C1orf167: variants seen among roughly 807,000 people sequenced by gnomAD.
The protein encoded by C1orf167 is uncharacterized protein C1orf167.
A neutral mutation model predicts 176.5 loss-of-function variants in C1orf167; 153 were observed. The observed-to-expected ratio is 0.87, with a 90% confidence interval of 0.76 to 0.99. The LOEUF is 0.99. Ranked by LOEUF, C1orf167 falls within the 50% of genes least tolerant of loss-of-function variation. The pLI is 0.00. For missense variants in C1orf167, 1,490 were observed against 1,817.7 expected, an observed-to-expected ratio of 0.82 and a Z score of 3.28; for synonymous variants, 594 against 752.7, an observed-to-expected ratio of 0.79 and a Z score of 3.45.
intron 14 of C1orf167, 87 bp downstream of exon 14, chr1:11,782,420 G>A (rs895312718): frequency 7.1e-6 from 8 of 1,130,560 alleles, no homozygotes; most frequent in African/African-American, 3.4e-5. Flanking sequence ...AAGCTCAGAC[G>A]GTGGCCCAGA....
chr1:11,778,695 A>G lies in C1orf167; in HGVS notation c.2375A>G (p.Gln792Arg), dbSNP rs1442857472. ...CAGGGCCTGCAGCAGCGGATGCTGC[A>G]GCGCAGCCTGAGATGGTGGCACTTG... Reference protein sequence around the residue: ...FFQGLQQRMLQRSLRWWHLRA... With the variant: ...FFQGLQQRMLRRSLRWWHLRA... The change falls in exon 11 of 21, where the codon CAG becomes CGG. Residue 792 changes from glutamine to arginine, a missense_variant. Transcript: ENST00000688073. The G allele has an allele frequency of 7.7e-7, 1 of 1,303,248 alleles. No individual in the cohort carries two copies. The highest frequency in any genetic ancestry group is 1.2e-5 in the South Asian group (1 of 80,962). The allele number at this position is 1,303,248 out of a possible 1,614,324, so 80.7% of individuals were successfully genotyped here. A position where few individuals can be genotyped will look rare whatever the true frequency, so the allele number is the denominator to read the frequency against.
At chr1:11,781,692 C>T (rs903130812) in intron 13 of C1orf167, among the ~76,000 whole-genome samples, 1 of 152,080 alleles carries the variant, frequency 6.6e-6, no homozygotes, top group Non-Finnish European at 1.5e-5. Context: ...TGGCGGATCA[C>T]GAGGTCAGGA....
Position 11,766,145 on chromosome 1 carries a change from T to A in C1orf167, c.359T>A (p.Ile120Asn). The A allele has an allele frequency of 1.6e-6, 2 of 1,289,758 alleles. No individual in the cohort carries two copies. The highest frequency in any genetic ancestry group is 2.0e-6 in the Non-Finnish European group (2 of 988,836). The allele number at this position is 1,289,758 out of a possible 1,614,324, so 79.9% of individuals were successfully genotyped here. The change falls in exon 3 of 21, where the codon ATC becomes AAC. Residue 120 changes from isoleucine (I) to asparagine (N), a missense_variant. Transcript: ENST00000688073. The surrounding 1 kb of genome is among the most constrained non-coding windows in gnomAD (Gnocchi z 4.5). The stretch of plus-strand genomic sequence containing the variant: ...CAAGGGAAGGCCCGAGAGTTTGCCA[T>A]CCAGCAGAGCAACCTGAGCATCAAC... Reference protein sequence around the residue: ...RRQGKAREFAIQQSNLSINET... With the variant: ...RRQGKAREFANQQSNLSINET...
At position 11,766,249 on chromosome 1, in the gene C1orf167, T is replaced by G. The variant is rs1482356369; in HGVS notation, c.463T>G (p.Ser155Ala). 2 of 1,289,572 alleles carry G rather than the reference T, an allele frequency of 1.6e-6. No homozygotes were observed. Among genetic ancestry groups the G allele is most frequent in the South Asian group, 2.5e-5 (2 of 81,014 alleles). 79.9% of individuals were successfully genotyped at this position (1,289,572 alleles called of 1,614,324 possible). Reference sequence around the variant, plus strand: ...CAAGCTTCCCTGGGGTCCTCTCCTATCCCAAGAGCCACTGGCTCGCCCATC... The same window carrying G: ...CAAGCTTCCCTGGGGTCCTCTCCTAGCCCAAGAGCCACTGGCTCGCCCATC... Reference protein sequence around the residue: ...PHKLPWGPLLSQEPLARPSSC... With the variant: ...PHKLPWGPLLAQEPLARPSSC... Residue 155 changes from serine to alanine, a missense_variant, in exon 3 of 21, where the codon TCC (serine) becomes GCC (alanine). Ser to Ala is a moderately conservative substitution (Grantham distance 99, BLOSUM62 1). Transcript: ENST00000688073. This position sits in a 1 kb window ranked among gnomAD's most constrained non-coding sequence, Gnocchi z 4.5.
chr1:11,764,285 G>C, intron 1 of C1orf167, 46 bp from the exon 2 acceptor site: 1 of 733,360 alleles, frequency 1.4e-6, no homozygotes, highest in South Asian at 1.4e-5. Context: ...GATCAGAATG[G>C]GGTGGGGTTG....
intron 1 of C1orf167, among the ~76,000 whole-genome samples, chr1:11,763,721 C>T (rs564146444): frequency 3.9e-5 from 6 of 152,230 alleles, no homozygotes; most frequent in Admixed American, 3.9e-4. Flanking sequence ...CCTGCCGCCG[C>T]ATGAAGAGGA....
chr1:11,764,581 C>A, intron 2 of C1orf167, 111 bp downstream of exon 2: 2 of 891,688 alleles, frequency 2.2e-6, no homozygotes, highest in Non-Finnish European at 3.1e-6. Context: ...TGGCTAATTC[C>A]AGAGATCAGC....
rs113354851 is a variant in C1orf167 at position 11,781,420 on chromosome 1, C to T, written c.2861-769C>T. 1.9e-4 allele frequency among the ~76,000 whole-genome samples: 29 copies of T among 152,290 alleles called. No individual in the cohort carries two copies. The East Asian group carries it at 3.3e-3, about 17-fold the overall frequency. On this transcript the variant is annotated intron_variant, in intron 13 of 20. Transcript: ENST00000688073. ...TCAAGGCGGGGCATTGCCCAGGACA[C>T]GAACACAGGATGCTGTCTTGGAGGC...
chr1:11,788,767 T>C, intron 20 of C1orf167, 21 bp downstream of exon 20: 1 of 1,302,012 alleles, frequency 7.7e-7, no homozygotes, highest in Non-Finnish European at 1.0e-6. Context: ...TCCCAGGTAC[T>C]GCCCTCTTCC....
At chr1:11,771,337 C>G (rs1422820008) in intron 6 of C1orf167, among the ~76,000 whole-genome samples, 187 bp from the exon 7 acceptor site, 1 of 151,884 alleles carries the variant, frequency 6.6e-6, no homozygotes, top group East Asian at 1.9e-4. Flanking sequence ...AAATCAAGAG[C>G]AGAACCTCCC....
At chr1:11,787,848 CT>C in intron 17 of C1orf167, 24 bp from the exon 18 acceptor site, 1 of 1,206,644 alleles carries the variant, frequency 8.3e-7, no homozygotes, top group Middle Eastern at 3.3e-4. Context: ...ACCTTAACCT[CT>C]TGTGACTCAA....
rs748948331 is a variant in C1orf167, at chr1:11,789,438, C to T, written c.4342C>T (p.Gln1448Ter). ...GLGAEHGAQL[Q>*]L Reference sequence around the variant, plus strand: ...TGGGGCAGAGCATGGGGCCCAGCTGCAGCTGTGACTTGTTCTCATAGAATA... The same window carrying T: ...TGGGGCAGAGCATGGGGCCCAGCTGTAGCTGTGACTTGTTCTCATAGAATA... The change falls in exon 21 of 21, where the codon CAG (glutamine) becomes TAG (stop). Residue 1448 changes from glutamine to a stop codon, truncating the protein, a stop_gained. Coordinates refer to ENST00000688073, the MANE Select transcript of C1orf167 (RefSeq NM_001010881.2). LOFTEE classifies it high-confidence loss of function. 219 of 1,303,708 alleles carry T rather than the reference C, an allele frequency of 1.7e-4. No individual in the cohort carries two copies. Among genetic ancestry groups the T allele is most frequent in the Non-Finnish European group, 2.1e-4 (206 of 988,828 alleles). 80.8% of individuals were successfully genotyped at this position (1,303,708 alleles called of 1,614,324 possible).
chr1:11,784,586 C>T lies in C1orf167; in HGVS notation c.3418C>T (p.Arg1140Ter), dbSNP rs1344119497. 3 of 1,252,292 alleles carry T rather than the reference C, an allele frequency of 2.4e-6. No individual in the cohort carries two copies. The highest frequency in any genetic ancestry group is 5.7e-5 in the East Asian group (1 of 17,424). The allele number at this position is 1,252,292 out of a possible 1,614,324, so 77.6% of individuals were successfully genotyped here. A position where few individuals can be genotyped will look rare whatever the true frequency, so the allele number is the denominator to read the frequency against. ...VSRAHASWKP[R>*]AWVLEASVQS... ...CCGAGCCCATGCTTCCTGGAAGCCG[C>T]GAGCCTGGTGAGTGCTGTGGTCTAA... Residue 1140 changes from arginine to a stop codon, truncating the protein, a stop_gained, in exon 15 of 21, where the codon CGA (arginine) becomes TGA (stop). Transcript: ENST00000688073. LOFTEE classifies it high-confidence loss of function.
chr1:11,773,144 C>A (rs993546470), intron 8 of C1orf167, among the ~76,000 whole-genome samples: 1 of 151,290 alleles, frequency 6.6e-6, no homozygotes, highest in Admixed American at 6.6e-5. Flanking sequence ...CCACCCACCT[C>A]GGCCTCCCAA....
At chr1:11,770,450 T>TC (rs1221401326) in intron 6 of C1orf167, among the ~76,000 whole-genome samples, 1 of 21,734 alleles carries the variant, frequency 4.6e-5, no homozygotes, top group Non-Finnish European at 1.4e-4. Context: ...TATATTTTTC[T>TC]TTTTTTTTTT....
Position 11,789,396 on chromosome 1 carries a change from C to T in C1orf167, c.4300C>T (p.Pro1434Ser). The change falls in exon 21 of 21, where the codon CCG becomes TCG. Residue 1434 changes from proline (P) to serine (S), a missense_variant. Transcript: ENST00000688073. ...PESGQEAARA[P>S]RGWGLGAEHG... is the part of the protein sequence containing the mutation. ...GAGTGGACAGGAAGCCGCCAGAGCACCGCGGGGTTGGGGGCTTGGGGCAGA... is the reference window on the plus strand; with the variant it reads ...GAGTGGACAGGAAGCCGCCAGAGCATCGCGGGGTTGGGGGCTTGGGGCAGA... 1 of 1,303,460 alleles carries T rather than the reference C, an allele frequency of 7.7e-7. No homozygotes were observed. The highest frequency in any genetic ancestry group is 1.0e-6 in the Non-Finnish European group (1 of 988,720). The allele number at this position is 1,303,460 out of a possible 1,614,324, so 80.7% of individuals were successfully genotyped here.
rs114646114 is a variant in C1orf167, at chr1:11,788,866, C to T, written c.4173+120C>T. The T allele has an allele frequency of 3.6e-3, 2,889 of 796,260 alleles. 60 individuals carry two copies. In the African/African-American group the frequency reaches 0.047, roughly 13 times the overall value. 49.3% of individuals were successfully genotyped at this position (796,260 alleles called of 1,614,324 possible). ...CTGCTTGCCAGCCCCGGGGCCCCTTCGTTTTCAGGGGAGGGGGTCAGTTCC... is the reference window on the plus strand; with the variant it reads ...CTGCTTGCCAGCCCCGGGGCCCCTTTGTTTTCAGGGGAGGGGGTCAGTTCC... On this transcript the variant is annotated intron_variant, in intron 20 of 20. Transcript: ENST00000688073.
At chr1:11,784,702 G>C in intron 15 of C1orf167, 109 bp downstream of exon 15, 1 of 1,137,156 alleles carries the variant, frequency 8.8e-7, no homozygotes, top group Non-Finnish European at 1.1e-6. Flanking sequence ...CAGGGCAAAG[G>C]CTCAAGAGGG....
rs6699881 is a variant in C1orf167, at chr1:11,776,571, T to C, written c.2272T>C (p.Trp758Arg). ...CCGGGGCTCCCTGCAGGATGCCTGC[T>C]GGACACTGGCCCTCTGCTGGGCGCT... ...QGRGSLQDAC[W>R]TLALCWALLL... Residue 758 changes from tryptophan to arginine, a missense_variant, in exon 10 of 21, where the codon TGG becomes CGG. Coordinates refer to ENST00000688073, the MANE Select transcript of C1orf167 (RefSeq NM_001010881.2). The C allele has an allele frequency of 0.71, 888,046 of 1,256,214 alleles. 316,112 individuals are homozygous for C. Among genetic ancestry groups the C allele is most frequent in the East Asian group, 0.89 (14,621 of 16,424 alleles). The allele number at this position is 1,256,214 out of a possible 1,614,324, so 77.8% of individuals were successfully genotyped here.
Sources: gnomAD v4.1 joint callset for allele counts (sites outside exome capture counted in the v4.1 genomes callset) on GRCh38, gnomAD v4.1.1 for gene constraint, Gnocchi (gnomAD v3.1) non-coding constraint, MANE v1.5 for transcripts, NCBI Gene and HGNC (gene_info 2026-07-23, HGNC 2026-07-21) for gene names.